The following TRIM23 variants were observed in gnomAD, a reference collection of about 807,000 sequenced individuals.
TRIM23 encodes tripartite motif containing 23.
Under a neutral mutation model 71.0 loss-of-function variants are expected in TRIM23, and 27 were observed. That is an observed-to-expected ratio of 0.38 (90% CI 0.28 to 0.52). TRIM23 has a LOEUF of 0.52. TRIM23 is among the 20% of genes least tolerant of loss of function. The pLI is 0.84. For synonymous variants in TRIM23, 234 were observed against 238.0 expected (o/e 0.98, Z 0.16); for missense variants, 482 against 692.3 (o/e 0.70, Z 3.41).
chr5:65,605,967 C>G (rs1162867143), intron 6 of TRIM23, among the ~76,000 whole-genome samples: 1 of 152,238 alleles, frequency 6.6e-6, no homozygotes, highest in East Asian at 1.9e-4. Context: ...TCCCCATTAT[C>G]CAAGCCACTA....
At chr5:65,616,957 G>A (rs1023883718) in intron 2 of TRIM23, among the ~76,000 whole-genome samples, 1 of 152,126 alleles carries the variant, frequency 6.6e-6, no homozygotes, top group East Asian at 1.9e-4. Flanking sequence ...CCTGACTTCA[G>A]GTGATCCACC....
At position 65,611,838 on chromosome 5, in the gene TRIM23, A is replaced by T; in HGVS notation, c.410T>A (p.Val137Glu). Residue 137 changes from valine (V) to glutamate (E), a missense_variant, in exon 4 of 11, where the codon GTA becomes GAA. This residue lies in a region of TRIM23 where 175 missense variants were observed against 196.5 expected (regional missense o/e 0.89). Coordinates refer to ENST00000231524, the MANE Select transcript of TRIM23 (RefSeq NM_001656.4). ...CDEDEAHLAS[V>E]YCTVCATHLC... ...ATGAGTTGCACACACAGTGCAATATACAGAGGCAAGGTGAGCTTCATCTTC... is the reference window on the plus strand; with the variant it reads ...ATGAGTTGCACACACAGTGCAATATTCAGAGGCAAGGTGAGCTTCATCTTC... The T allele has an allele frequency of 1.2e-6, 2 of 1,614,034 alleles. No homozygotes were observed. The highest frequency in any genetic ancestry group is 1.7e-6 in the Non-Finnish European group (2 of 1,179,892).
chr5:65,591,160 A>G lies in TRIM23; in HGVS notation c.*609T>C, dbSNP rs1173405263. ...TTTTATACAAAATGCTGTAGGAGAA[A>G]GTTAATAAAACACTATATAAAGTAT... On this transcript the variant is annotated 3_prime_UTR_variant, in exon 11 of 11. Transcript: ENST00000231524. 2.0e-5 allele frequency: 21 copies of G among 1,066,228 alleles called. No individual in the cohort carries two copies. Among genetic ancestry groups the G allele is most frequent in the Non-Finnish European group, 2.4e-5 (21 of 881,848 alleles). The allele number at this position is 1,066,228 out of a possible 1,614,324, so 66.0% of individuals were successfully genotyped here.
chr5:65,611,508 C>G, intron 4 of TRIM23, 95 bp downstream of exon 4: 1 of 1,392,306 alleles, frequency 7.2e-7, no homozygotes, highest in Non-Finnish European at 9.7e-7. Flanking sequence ...TTCTTCAATC[C>G]CTACTTTCAG....
At chr5:65,624,101 T>C (rs1581197307) in intron 1 of TRIM23, 93 bp downstream of exon 1, 1 of 1,487,762 alleles carries the variant, frequency 6.7e-7, no homozygotes, top group African/African-American at 1.4e-5. Context: ...GCATCCCACC[T>C]ATCGAAGCCT....
intron 10 of TRIM23, 100 bp from the exon 11 acceptor site, chr5:65,592,048 A>G (rs927896138): frequency 1.8e-6 from 2 of 1,127,796 alleles, no homozygotes; most frequent in Non-Finnish European, 2.5e-6. Flanking sequence ...GTTCTAACAG[A>G]AGCCTAAACA....
chr5:65,614,716 C>T (rs1418046202), intron 2 of TRIM23, among the ~76,000 whole-genome samples: 11 of 130,666 alleles, frequency 8.4e-5, no homozygotes, highest in Non-Finnish European at 9.5e-5. Context: ...ATCTGGATGA[C>T]AGAGCAAGAC....
intron 6 of TRIM23, chr5:65,607,186 A>G (rs1037257041): frequency 6.6e-6 from 1 of 152,240 alleles, no homozygotes; most frequent in Non-Finnish European, 1.5e-5. Context: ...AACATTGGTT[A>G]GTATTCTGTA....
At chr5:65,619,700 T>C (rs1754873467) in intron 1 of TRIM23, among the ~76,000 whole-genome samples, 1 of 152,042 alleles carries the variant, frequency 6.6e-6, no homozygotes, top group Admixed American at 6.5e-5. Flanking sequence ...TAAAAATGAA[T>C]AAAAATAAGA....
At chr5:65,592,357 TG>T (rs1754064188) in intron 10 of TRIM23, among the ~76,000 whole-genome samples, 1 of 152,142 alleles carries the variant, frequency 6.6e-6, no homozygotes, top group Non-Finnish European at 1.5e-5. Flanking sequence ...CCCAAGTAGC[TG>T]GGATTACAGG....
chr5:65,618,265 GA>G lies in TRIM23; in HGVS notation c.82-11del. On this transcript the variant is annotated splice_polypyrimidine_tract_variant and intron_variant, in intron 1 of 10. Coordinates refer to ENST00000231524, the MANE Select transcript of TRIM23 (RefSeq NM_001656.4). ...CTCCACACTCTAGCACCTAATATTT[GA>G]AAAGGAAGGATGTGCTCTTTAAACA... The G allele has an allele frequency of 1.9e-6, 3 of 1,600,904 alleles. No individual in the cohort carries two copies. The highest frequency in any genetic ancestry group is 1.7e-5 in the Admixed American group (1 of 57,396).
Position 65,614,136 on chromosome 5 carries a change from A to G in TRIM23, c.328T>C (p.Tyr110His). The stretch of plus-strand genomic sequence containing the variant: ...CCAATGGATTCTTCTGCAGCTCCAT[A>G]CTGACCAATAGGCCCATTCTGCAGT... Reference protein sequence around the residue: ...ERLQNGPIGQYGAAEESIGIS... With the variant: ...ERLQNGPIGQHGAAEESIGIS... Residue 110 changes from tyrosine to histidine, a missense_variant, in exon 3 of 11, where the codon TAT becomes CAT. By Grantham distance (83) the Tyr-to-His change is moderately conservative (BLOSUM62 2). Transcript: ENST00000231524. 1.9e-6 allele frequency: 3 copies of G among 1,614,100 alleles called. No homozygotes were observed. The highest frequency in any genetic ancestry group is 3.3e-5 in the Admixed American group (2 of 60,016).
chr5:65,614,349 C>T (rs1184419725), intron 2 of TRIM23, 130 bp from the exon 3 acceptor site: 2 of 870,560 alleles, frequency 2.3e-6, no homozygotes, highest in South Asian at 3.9e-5. Context: ...CAAATTTTCC[C>T]CATTTTTAAT....
chr5:65,620,488 T>A (rs1754902199), intron 1 of TRIM23, among the ~76,000 whole-genome samples: 1 of 151,822 alleles, frequency 6.6e-6, no homozygotes, highest in African/African-American at 2.4e-5. Flanking sequence ...AAAGATGAAG[T>A]TTTTCATATA....
In TRIM23 at chr5:65,604,942, A is replaced by C; in HGVS notation, c.1148T>G (p.Leu383Trp). ...AAAAGTGACAGGGATGCTGGCATCC[A>C]ACTGAATGTGATCTGCAACTTCTGT... ...QFTEVADHIQ[L>W]DASIPVTFTK... The change falls in exon 7 of 11, where the codon TTG becomes TGG. Residue 383 changes from leucine to tryptophan, a missense_variant. This residue lies in a region of TRIM23 where 307 missense variants were observed against 495.8 expected (regional missense o/e 0.62). Coordinates refer to ENST00000231524, the MANE Select transcript of TRIM23 (RefSeq NM_001656.4). 1 of 1,613,910 alleles carries C rather than the reference A, an allele frequency of 6.2e-7. No individual in the cohort carries two copies. The highest frequency in any genetic ancestry group is 8.5e-7 in the Non-Finnish European group (1 of 1,179,918).
At chr5:65,621,185 T>C (rs1032140057) in intron 1 of TRIM23, among the ~76,000 whole-genome samples, 2 of 152,148 alleles carry the variant, frequency 1.3e-5, no homozygotes, top group African/African-American at 4.8e-5. Context: ...ATCCCATCTC[T>C]ACCAAAAATA....
chr5:65,597,880 AAAG>A (rs753170574), intron 7 of TRIM23, among the ~76,000 whole-genome samples: 5 of 152,190 alleles, frequency 3.3e-5, no homozygotes, highest in Non-Finnish European at 5.9e-5. Context: ...TCATCTCATA[AAAG>A]GAGGATTAAA....
chr5:65,594,738 G>T, intron 9 of TRIM23, 93 bp from the exon 10 acceptor site: 1 of 1,171,376 alleles, frequency 8.5e-7, no homozygotes, highest in Non-Finnish European at 1.1e-6. Context: ...TTATGTTATG[G>T]TTAGAGTTTG....
chr5:65,619,838 T>G (rs545473552), intron 1 of TRIM23, among the ~76,000 whole-genome samples: 11 of 152,128 alleles, frequency 7.2e-5, no homozygotes, highest in Non-Finnish European at 1.2e-4. Flanking sequence ...TCCCAACACT[T>G]TGGGAGGCCG....
Sources: allele counts gnomAD v4.1 joint callset (sites outside exome capture counted in the v4.1 genomes callset), GRCh38; gene constraint gnomAD v4.1.1; regional missense constraint gnomAD v4.1.1; transcripts MANE v1.5; gene names NCBI Gene and HGNC (gene_info 2026-07-23, HGNC 2026-07-21).